Variants in CDH18 observed in about 807,000 individuals in gnomAD.
CDH18 encodes cadherin-18.
In CDH18, 31 loss-of-function variants were observed where a neutral mutation model predicts 67.9. The observed-to-expected ratio is 0.46, with a 90% CI of 0.34 to 0.62. The LOEUF (loss-of-function observed/expected upper bound fraction) is 0.62. Among genes scored for constraint, CDH18 ranks in the 20% least tolerant of loss-of-function variants. The pLI is 0.01. For missense variants in CDH18, 890 were observed against 975.5 expected (o/e 0.91, Z 1.17); for synonymous variants, 362 against 347.2 (o/e 1.04, Z -0.48).
At chr5:20,298,193 C>G (rs1271304593) in intron 1 of CDH18, among the ~76,000 whole-genome samples, 2 of 152,074 alleles carry the variant, frequency 1.3e-5, no homozygotes, top group Non-Finnish European at 2.9e-5. Context: ...CTATCTATCT[C>G]TTTTGTAAAA....
chr5:20,491,091 T>C (rs1753556786), intron 1 of CDH18, among the ~76,000 whole-genome samples: 2 of 152,002 alleles, frequency 1.3e-5, no homozygotes, highest in Admixed American at 6.6e-5. Flanking sequence ...ATACATTATA[T>C]TTTTAGTTTT....
chr5:19,787,148 T>G (rs1387252534), intron 3 of CDH18, among the ~76,000 whole-genome samples: 2 of 152,276 alleles, frequency 1.3e-5, no homozygotes, highest in East Asian at 3.9e-4. Flanking sequence ...CTCTGAGATA[T>G]CTTTGCCTTG....
At chr5:19,745,281 T>G in intron 4 of CDH18, among the ~76,000 whole-genome samples, 1 of 152,242 alleles carries the variant, frequency 6.6e-6, no homozygotes, top group East Asian at 1.9e-4. Context: ...GGCTTTGAGT[T>G]ACAGAAATCT....
chr5:19,833,098 C>T (rs1011948725), intron 3 of CDH18, among the ~76,000 whole-genome samples: 6 of 152,042 alleles, frequency 3.9e-5, no homozygotes, highest in Non-Finnish European at 8.8e-5. Flanking sequence ...AGCATTGAAT[C>T]TACAAATTAC....
At chr5:19,567,644 T>A (rs1206536725) in intron 8 of CDH18, among the ~76,000 whole-genome samples, 5 of 152,174 alleles carry the variant, frequency 3.3e-5, no homozygotes, top group Non-Finnish European at 5.9e-5. Context: ...TTTATTAAAA[T>A]CAAGAATAAA....
intron 1 of CDH18, among the ~76,000 whole-genome samples, chr5:20,341,358 A>T (rs4472264): frequency 6.6e-6 from 1 of 151,850 alleles, no homozygotes; most frequent in African/African-American, 2.4e-5. Flanking sequence ...TTTCTCCCAT[A>T]CAGGGTGCTT....
intron 2 of CDH18, among the ~76,000 whole-genome samples, chr5:20,089,623 G>A (rs377508459): frequency 1.6e-4 from 25 of 152,116 alleles, no homozygotes; most frequent in African/African-American, 5.3e-4. Flanking sequence ...ACTTCAGTGT[G>A]GTTCTTATTT....
intron 2 of CDH18, among the ~76,000 whole-genome samples, chr5:20,010,373 C>T (rs770090886): frequency 4.6e-5 from 7 of 151,928 alleles, no homozygotes; most frequent in Non-Finnish European, 8.8e-5. Context: ...CCACGCCCCA[C>T]TATTTTTGTA....
chr5:20,250,992 G>A (rs995738635), intron 2 of CDH18, among the ~76,000 whole-genome samples: 1 of 152,028 alleles, frequency 6.6e-6, no homozygotes, highest in African/African-American at 2.4e-5. Context: ...CTGTTAATTT[G>A]ACTTAAAGCC....
rs528425096 is a variant in CDH18 at position 20,476,954 on chromosome 5, T to C, written c.-580+98508A>G. ...ACAGAGATTTTTAAAATAAATTAGG[T>C]TACCAAGTAATCTTTTACTTTTCCT... is the stretch of plus-strand genomic sequence containing the variant. On this transcript the variant is annotated intron_variant, in intron 1 of 14. Transcript: ENST00000507958. Among the ~76,000 whole-genome samples, 4 of 152,308 alleles carry C rather than the reference T, an allele frequency of 2.6e-5. No individual in the cohort carries two copies. In the East Asian group the frequency reaches 7.7e-4, roughly 29 times the overall value.
chr5:19,754,051 A>G (rs1310593625), intron 3 of CDH18, among the ~76,000 whole-genome samples: 10 of 152,176 alleles, frequency 6.6e-5, no homozygotes, highest in Non-Finnish European at 4.4e-5. Flanking sequence ...CACAGGACCT[A>G]TAAAACAAAA....
At chr5:19,589,912 C>T (rs1375845898) in intron 7 of CDH18, among the ~76,000 whole-genome samples, 1 of 152,124 alleles carries the variant, frequency 6.6e-6, no homozygotes, top group African/African-American at 2.4e-5. Flanking sequence ...CTCTCTTTAA[C>T]TATTGCTGAA....
intron 1 of CDH18, among the ~76,000 whole-genome samples, chr5:20,570,770 T>C (rs973723662): frequency 6.6e-6 from 1 of 152,078 alleles, no homozygotes; most frequent in African/African-American, 2.4e-5. Context: ...CCATCTGAAG[T>C]CATATCTAAG....
At chr5:19,602,699 C>A (rs1441813178) in intron 6 of CDH18, among the ~76,000 whole-genome samples, 1 of 152,052 alleles carries the variant, frequency 6.6e-6, no homozygotes, top group East Asian at 1.9e-4. Context: ...CGTGGTGGCT[C>A]ATGCCTGTAA....
At chr5:19,708,465 T>C (rs1164056937) in intron 5 of CDH18, among the ~76,000 whole-genome samples, 1 of 151,966 alleles carries the variant, frequency 6.6e-6, no homozygotes, top group Non-Finnish European at 1.5e-5. Flanking sequence ...GGGGGGGACA[T>C]GTTGGGAACA....
chr5:19,562,737 A>G (rs1260989554), intron 8 of CDH18, among the ~76,000 whole-genome samples: 2 of 152,176 alleles, frequency 1.3e-5, no homozygotes, highest in Admixed American at 1.3e-4. Context: ...TTATTTCCTT[A>G]AAGTTATCAT....
chr5:20,226,464 C>T (rs1387499034), intron 2 of CDH18, among the ~76,000 whole-genome samples: 2 of 151,990 alleles, frequency 1.3e-5, no homozygotes, highest in Non-Finnish European at 2.9e-5. Flanking sequence ...TGACTTATGA[C>T]ACAGATTCAT....
At chr5:20,575,481 C>T (rs1044116832) in exon 1 of CDH18, 1 of 152,114 alleles carries the variant, frequency 6.6e-6, no homozygotes, top group Non-Finnish European at 1.5e-5. Context: ...GAAACTGTTC[C>T]TGTTCAATGC....
chr5:20,364,831 G>C (rs527995137), intron 1 of CDH18, among the ~76,000 whole-genome samples: 2 of 152,090 alleles, frequency 1.3e-5, no homozygotes, highest in Non-Finnish European at 2.9e-5. Context: ...TGCATAAATA[G>C]GGTGGTTTTT....
Sources: gnomAD v4.1 joint callset for allele counts (sites outside exome capture counted in the v4.1 genomes callset) on GRCh38, gnomAD v4.1.1 for gene constraint, MANE v1.5 for transcripts, NCBI Gene and HGNC (gene_info 2026-07-23, HGNC 2026-07-21) for gene names.